The following TMEM132A variants were observed in gnomAD, a reference collection of about 807,000 sequenced individuals.
TMEM132A encodes GRP78-binding protein.
Under a neutral mutation model 69.9 loss-of-function variants are expected in TMEM132A, and 48 were observed. The observed-to-expected ratio is 0.69, with a 90% CI of 0.55 to 0.87. The LOEUF (loss-of-function observed/expected upper bound fraction) is 0.87, where lower values mean the gene tolerates loss of function less well. Among genes scored for constraint, TMEM132A ranks in the 40% least tolerant of loss-of-function variants. The probability of loss-of-function intolerance (pLI) is 0.00; values close to 1 mark genes in which losing one functional copy is unlikely to be tolerated. For missense variants in TMEM132A, 1,287 were observed against 1,407.2 expected (o/e 0.91, Z 1.37); for synonymous variants, 577 against 613.7 (o/e 0.94, Z 0.88).
In TMEM132A at chr11:60,931,930, C is replaced by T. The variant is rs189592841; in HGVS notation, c.1212+46C>T. 958 of 1,614,074 alleles carry T rather than the reference C, an allele frequency of 5.9e-4. 6 individuals are homozygous for T. The African/African-American group carries it at 0.011, about 18-fold the overall frequency. Reference sequence around the variant, plus strand: ...GCCTGGGAAGGCTGGAGGCCAAGTCCCAGGAGCCCCATGAGCTGAGGGGCC... The same window carrying T: ...GCCTGGGAAGGCTGGAGGCCAAGTCTCAGGAGCCCCATGAGCTGAGGGGCC... On this transcript the variant is annotated intron_variant, in intron 6 of 10. Transcript: ENST00000453848.
In TMEM132A at chr11:60,935,144, C is replaced by G; in HGVS notation, c.1837-108C>G. 9.1e-7 allele frequency: 1 copy of G among 1,104,184 alleles called. No homozygotes were observed. Among genetic ancestry groups the G allele is most frequent in the Non-Finnish European group, 1.3e-6 (1 of 772,280 alleles). 68.4% of individuals were successfully genotyped at this position (1,104,184 alleles called of 1,614,324 possible). On this transcript the variant is annotated intron_variant, in intron 9 of 10. Transcript: ENST00000453848. This position sits in a 1 kb window ranked among gnomAD's most constrained non-coding sequence, Gnocchi z 5.0. ...GGGGCTGTCCGTGGCGAAGACCTCCCCCACCTCCGGAGGGCAGCCCGTGAG... is the reference window on the plus strand; with the variant it reads ...GGGGCTGTCCGTGGCGAAGACCTCCGCCACCTCCGGAGGGCAGCCCGTGAG...
chr11:60,925,071 T>G, intron 1 of TMEM132A: 1 of 259,632 alleles, frequency 3.9e-6, no homozygotes, highest in East Asian at 1.0e-4. Flanking sequence ...TCATCCCCAC[T>G]CCCTCACTGT....
chr11:60,929,021 G>A, intron 4 of TMEM132A, 61 bp downstream of exon 4: 1 of 1,550,974 alleles, frequency 6.4e-7, no homozygotes, highest in Non-Finnish European at 8.8e-7. Flanking sequence ...ACTAGGGACA[G>A]GTACCTGCTC....
At chr11:60,931,235 GT>G (rs538982918) in intron 5 of TMEM132A, among the ~76,000 whole-genome samples, 124 of 152,290 alleles carry the variant, frequency 8.1e-4, no homozygotes, top group African/African-American at 2.7e-3. Flanking sequence ...ATAAAATACA[GT>G]GCTACATATC....
rs1203342080 is a variant in TMEM132A, at chr11:60,928,931, C to A, written c.837C>A (p.His279Gln). 1 of 1,612,504 alleles carries A rather than the reference C, an allele frequency of 6.2e-7. No homozygotes were observed. Among genetic ancestry groups the A allele is most frequent in the African/African-American group, 1.3e-5 (1 of 74,936 alleles). The change falls in exon 4 of 11, where the codon CAC (histidine) becomes CAA (glutamine). Residue 279 changes from histidine to glutamine, a missense_variant. Coordinates refer to ENST00000453848, the MANE Select transcript of TMEM132A (RefSeq NM_178031.3). ...QLFSATLLLR[H>Q]NFTASLLTLR... ...TTAGTGCTACCCTCCTGCTTCGGCA[C>A]AACTTCACAGCCAGCCTCCTGACCC...
rs1187826770 is a variant in TMEM132A at position 60,933,755 on chromosome 11, G to A, written c.1559+11G>A. On this transcript the variant is annotated intron_variant, in intron 8 of 10. Transcript: ENST00000453848. ...TGGCCCTGCTGAAGGGTGAGTGGAGGCCTGAGGAAGCTGGCAGGCCTTGGC... is the reference window on the plus strand; with the variant it reads ...TGGCCCTGCTGAAGGGTGAGTGGAGACCTGAGGAAGCTGGCAGGCCTTGGC... 3 of 1,554,550 alleles carry A rather than the reference G, an allele frequency of 1.9e-6. No individual in the cohort carries two copies. The African/African-American group carries it at 4.1e-5, about 21-fold the overall frequency.
At chr11:60,932,822 C>A (rs1367470805) in intron 7 of TMEM132A, 1 of 152,216 alleles carries the variant, frequency 6.6e-6, no homozygotes, top group Non-Finnish European at 1.5e-5. Context: ...TGTGTGGTTC[C>A]TGCTGGAGGG....
At position 60,928,551 on chromosome 11, in the gene TMEM132A, C is replaced by T. The variant is rs1856400227; in HGVS notation, c.535-78C>T. 2.9e-6 allele frequency: 4 copies of T among 1,383,664 alleles called. 1 individual carries two copies. In the South Asian group the frequency reaches 3.8e-5, roughly 13 times the overall value. 85.7% of individuals were successfully genotyped at this position (1,383,664 alleles called of 1,614,324 possible). A position where few individuals can be genotyped will look rare whatever the true frequency, so the allele number is the denominator to read the frequency against. On this transcript the variant is annotated intron_variant, in intron 3 of 10. Coordinates refer to ENST00000453848, the MANE Select transcript of TMEM132A (RefSeq NM_178031.3). ...CATGAGCCCCTCCAGCTCTGGGTTT[C>T]CTGCCATGGGTGCTGAGAATCCTGT...
chr11:60,935,801 T>C lies in TMEM132A; in HGVS notation c.2029-63T>C. The C allele has an allele frequency of 1.9e-6, 3 of 1,550,746 alleles. No homozygotes were observed. Among genetic ancestry groups the C allele is most frequent in the Admixed American group, 3.7e-5 (2 of 53,786 alleles). On this transcript the variant is annotated intron_variant, in intron 10 of 10. Coordinates refer to ENST00000453848, the MANE Select transcript of TMEM132A (RefSeq NM_178031.3). The surrounding 1 kb of genome is among the most constrained non-coding windows in gnomAD (Gnocchi z 5.0). Reference sequence around the variant, plus strand: ...TCCATGTGGCCTATCTCTGTGGGAGTGGTTTCTCTGTGCATGCGTGCGTGC... The same window carrying C: ...TCCATGTGGCCTATCTCTGTGGGAGCGGTTTCTCTGTGCATGCGTGCGTGC...
chr11:60,932,950 A>T (rs906889600), intron 7 of TMEM132A: 1 of 152,248 alleles, frequency 6.6e-6, no homozygotes, highest in Admixed American at 6.5e-5. Context: ...TTTTGGGTTC[A>T]CACCCCTGCT....
chr11:60,937,019 G>T lies in TMEM132A; in HGVS notation c.*112G>T. 1 of 1,283,736 alleles carries T rather than the reference G, an allele frequency of 7.8e-7. No individual in the cohort carries two copies. The highest frequency in any genetic ancestry group is 1.0e-6 in the Non-Finnish European group (1 of 957,418). The allele number at this position is 1,283,736 out of a possible 1,614,324, so 79.5% of individuals were successfully genotyped here. ...TGGTGCTTGTTGATCCAAGTCCCCT[G>T]CCTGGTCCCCCACAAGGACTCCCAT... On this transcript the variant is annotated 3_prime_UTR_variant, in exon 11 of 11. Coordinates refer to ENST00000453848, the MANE Select transcript of TMEM132A (RefSeq NM_178031.3).
At chr11:60,932,263 C>T in intron 7 of TMEM132A, 136 bp downstream of exon 7, 6 of 1,093,628 alleles carry the variant, frequency 5.5e-6, no homozygotes, top group Non-Finnish European at 7.4e-6. Flanking sequence ...ATGGGAGGAA[C>T]CACAGCTTCA....
chr11:60,935,269 T>G lies in TMEM132A; in HGVS notation c.1854T>G (p.Ser618=), dbSNP rs1395980395. Residue 618 remains serine (S), a synonymous_variant, in exon 10 of 11, where the codon TCT becomes TCG. Coordinates refer to ENST00000453848, the MANE Select transcript of TMEM132A (RefSeq NM_178031.3). The surrounding 1 kb of genome is among the most constrained non-coding windows in gnomAD (Gnocchi z 5.0). The part of the protein sequence containing the change: ...VTSIEVRSPL[S]DSILGEQALA... ...ACCCTCAGGTGCGTTCCCCACTGTC[T>G]GACTCCATCCTGGGGGAGCAGGCGC... The G allele has an allele frequency of 3.7e-6, 6 of 1,610,830 alleles. No homozygotes were observed. The highest frequency in any genetic ancestry group is 4.2e-6 in the Non-Finnish European group (5 of 1,179,186).
chr11:60,935,441 C>T lies in TMEM132A; in HGVS notation c.2026C>T (p.Gln676Ter). Residue 676 changes from glutamine to a stop codon, truncating the protein, a stop_gained and splice_region_variant, in exon 10 of 11, where the codon CAG becomes TAG. Coordinates refer to ENST00000453848, the MANE Select transcript of TMEM132A (RefSeq NM_178031.3). LOFTEE classifies it high-confidence loss of function. This position sits in a 1 kb window ranked among gnomAD's most constrained non-coding sequence, Gnocchi z 5.0. ...ACAGTCAGCCCTTCCCGCCCCAAAGCAGGTGACAGTTGGGGGGTCAGGGGG... is the reference window on the plus strand; with the variant it reads ...ACAGTCAGCCCTTCCCGCCCCAAAGTAGGTGACAGTTGGGGGGTCAGGGGG... ...WAQSALPAPKQEVALSLWLSF... is the reference protein window; with the variant it reads ...WAQSALPAPK The T allele has an allele frequency of 6.2e-7, 1 of 1,601,558 alleles. No homozygotes were observed. Among genetic ancestry groups the T allele is most frequent in the South Asian group, 1.1e-5 (1 of 88,748 alleles).
chr11:60,927,743 C>T lies in TMEM132A; in HGVS notation c.418C>T (p.Arg140Trp), dbSNP rs374551089. ...AAVTPAEPYA[R>W]VLFHLKGQDW... ...TGTGACTCCAGCAGAGCCCTACGCC[C>T]GGGTTCTCTTCCACCTCAAAGGGCA... Residue 140 changes from arginine to tryptophan, a missense_variant, in exon 3 of 11, where the codon CGG becomes TGG. By Grantham distance (101) the Arg-to-Trp change is moderately radical. Transcript: ENST00000453848. 3.9e-5 allele frequency: 63 copies of T among 1,613,368 alleles called. No individual in the cohort carries two copies. The highest frequency in any genetic ancestry group is 1.2e-4 in the African/African-American group (9 of 74,926).
intron 7 of TMEM132A, chr11:60,932,498 A>C: frequency 1.1e-5 from 2 of 187,064 alleles, no homozygotes; most frequent in East Asian, 1.3e-4. Flanking sequence ...TCGTTACCTA[A>C]ACTTTAAAAT....
intron 4 of TMEM132A, among the ~76,000 whole-genome samples, chr11:60,929,496 A>G (rs1320655646): frequency 6.6e-6 from 1 of 152,024 alleles, no homozygotes; most frequent in Non-Finnish European, 1.5e-5. Flanking sequence ...CCACCTACCC[A>G]GTTCACCCGG....
chr11:60,931,675 C>T lies in TMEM132A; in HGVS notation c.1017-14C>T, dbSNP rs1189908332. On this transcript the variant is annotated splice_polypyrimidine_tract_variant and intron_variant, in intron 5 of 10. Coordinates refer to ENST00000453848, the MANE Select transcript of TMEM132A (RefSeq NM_178031.3). Reference sequence around the variant, plus strand: ...TAGCAAGCATTTGGCTTCTCTGTCTCCTTTGGCCAGCAGTCCCCTTGAACT... The same window carrying T: ...TAGCAAGCATTTGGCTTCTCTGTCTTCTTTGGCCAGCAGTCCCCTTGAACT... 6.3e-7 allele frequency: 1 copy of T among 1,598,502 alleles called. No homozygotes were observed. The highest frequency in any genetic ancestry group is 2.2e-5 in the East Asian group (1 of 44,576).
At chr11:60,926,248 A>C (rs1295630565) in intron 1 of TMEM132A, among the ~76,000 whole-genome samples, 3 of 152,306 alleles carry the variant, frequency 2.0e-5, no homozygotes, top group African/African-American at 7.2e-5. Flanking sequence ...GAGAAGTGGC[A>C]GGTGGAGACG....
Sources: allele counts gnomAD v4.1 joint callset (sites outside exome capture counted in the v4.1 genomes callset), GRCh38; gene constraint gnomAD v4.1.1; non-coding constraint Gnocchi (gnomAD v3.1); transcripts MANE v1.5; gene names NCBI Gene and HGNC (gene_info 2026-07-23, HGNC 2026-07-21).